The following ACSS3 variants were observed in gnomAD, a reference collection of about 807,000 sequenced individuals.
The protein encoded by ACSS3 is acyl-CoA synthetase short chain family member 3.
In ACSS3, 64 loss-of-function variants were observed where a neutral mutation model predicts 84.2. That is an observed-to-expected ratio of 0.76 (90% CI 0.62 to 0.94). ACSS3 has a LOEUF of 0.94. Ranked by LOEUF, ACSS3 falls within the 40% of genes least tolerant of loss-of-function variation. The pLI is 0.00. For synonymous variants in ACSS3, 317 were observed against 310.1 expected (o/e 1.02, Z -0.23); for missense variants, 815 against 867.6 (o/e 0.94, Z 0.76).
At chr12:81,081,267 G>A (rs1424659289) in intron 1 of ACSS3, among the ~76,000 whole-genome samples, 1 of 152,180 alleles carries the variant, frequency 6.6e-6, no homozygotes, top group Non-Finnish European at 1.5e-5. Context: ...GGCGATATAT[G>A]GAAGGGAACT....
At chr12:81,175,308 G>A (rs960715770) in intron 8 of ACSS3, among the ~76,000 whole-genome samples, 2 of 151,930 alleles carry the variant, frequency 1.3e-5, no homozygotes, top group African/African-American at 4.8e-5. Flanking sequence ...TAAATGAAGG[G>A]GCAATATTTG....
At chr12:81,217,291 A>T (rs1418235290) in intron 10 of ACSS3, among the ~76,000 whole-genome samples, 1 of 152,160 alleles carries the variant, frequency 6.6e-6, no homozygotes, top group African/African-American at 2.4e-5. Context: ...AGTACTTTAT[A>T]TATGTCTTTT....
chr12:81,121,102 C>A (rs534338282), intron 2 of ACSS3, among the ~76,000 whole-genome samples: 47 of 152,260 alleles, frequency 3.1e-4, no homozygotes, highest in African/African-American at 1.1e-3. Context: ...TGTCTTTGTA[C>A]CATTCCTGGG....
intron 11 of ACSS3, among the ~76,000 whole-genome samples, chr12:81,224,574 ATGTGTGTGTG>A (rs72129467): frequency 2.8e-5 from 2 of 71,890 alleles, no homozygotes; most frequent in East Asian, 2.9e-4. Flanking sequence ...ACACACACAC[ATGTGTGTGTG>A]TGTGTGTGTG....
intron 11 of ACSS3, among the ~76,000 whole-genome samples, chr12:81,222,482 C>G (rs947608398): frequency 2.6e-5 from 4 of 152,078 alleles, no homozygotes; most frequent in African/African-American, 7.2e-5. Flanking sequence ...CCATTCCACT[C>G]TAACTTATCA....
At chr12:81,096,801 C>G (rs1377635736) in intron 1 of ACSS3, among the ~76,000 whole-genome samples, 5 of 152,142 alleles carry the variant, frequency 3.3e-5, no homozygotes, top group African/African-American at 4.8e-5. Flanking sequence ...GACATGAACT[C>G]ATCCTTTTTT....
At chr12:81,243,312 G>A (rs2033873282) in intron 13 of ACSS3, among the ~76,000 whole-genome samples, 2 of 152,134 alleles carry the variant, frequency 1.3e-5, no homozygotes, top group African/African-American at 2.4e-5. Context: ...CGGACGTGAA[G>A]GACCTCTTCA....
At chr12:81,212,738 T>C (rs892709201) in intron 9 of ACSS3, among the ~76,000 whole-genome samples, 1 of 152,180 alleles carries the variant, frequency 6.6e-6, no homozygotes, top group Non-Finnish European at 1.5e-5. Context: ...TACTTCAGAG[T>C]CAGAAATTTT....
rs1283247750 is a variant in ACSS3, at chr12:81,111,560, C to A, written c.456+1856C>A. ...TTAACCTAAAGCAAAGGGCCTCGAT[C>A]CCAGACGGGATAGGGCTGACATACT... is the stretch of plus-strand genomic sequence containing the variant. On this transcript the variant is annotated intron_variant, in intron 2 of 15. Coordinates refer to ENST00000548058, the MANE Select transcript of ACSS3 (RefSeq NM_024560.4). Among the ~76,000 whole-genome samples the A allele has an allele frequency of 2.0e-5, 3 of 152,308 alleles. No individual in the cohort carries two copies. In the East Asian group the frequency reaches 5.8e-4, roughly 29 times the overall value.
At chr12:81,195,958 G>A (rs752269410) in intron 8 of ACSS3, among the ~76,000 whole-genome samples, 2 of 152,096 alleles carry the variant, frequency 1.3e-5, no homozygotes, top group Non-Finnish European at 2.9e-5. Context: ...GTACCATTAT[G>A]TGAAGTCCTA....
chr12:81,149,926 T>C (rs1480231853), intron 5 of ACSS3, among the ~76,000 whole-genome samples: 1 of 152,230 alleles, frequency 6.6e-6, no homozygotes, highest in African/African-American at 2.4e-5. Context: ...TTTTTAAGTC[T>C]CTTTTTTTTG....
At chr12:81,209,774 T>C (rs2032512420) in intron 9 of ACSS3, among the ~76,000 whole-genome samples, 1 of 152,180 alleles carries the variant, frequency 6.6e-6, no homozygotes, top group Non-Finnish European at 1.5e-5. Context: ...GGATGTTTTA[T>C]GAGTTTTCCA....
chr12:81,094,226 T>G (rs1468028659), intron 1 of ACSS3: 1 of 151,216 alleles, frequency 6.6e-6, no homozygotes, highest in Admixed American at 6.6e-5. Context: ...CTTTCCTTCC[T>G]TCTGGTAAAT....
chr12:81,204,168 A>T (rs2032236106), intron 9 of ACSS3, among the ~76,000 whole-genome samples: 1 of 151,790 alleles, frequency 6.6e-6, no homozygotes, highest in Non-Finnish European at 1.5e-5. Flanking sequence ...ACTGTAAAGG[A>T]ATTATTGTTT....
chr12:81,242,759 A>G (rs1047578531), intron 13 of ACSS3, among the ~76,000 whole-genome samples: 4 of 143,636 alleles, frequency 2.8e-5, no homozygotes, highest in Non-Finnish European at 6.2e-5. Flanking sequence ...GACAAAAACC[A>G]CATGATTATC....
intron 13 of ACSS3, among the ~76,000 whole-genome samples, chr12:81,247,574 A>C (rs2136006727): frequency 6.6e-6 from 1 of 152,238 alleles, no homozygotes; most frequent in African/African-American, 2.4e-5. Context: ...TAAATCTTTA[A>C]GTTAACTTCT....
intron 1 of ACSS3, among the ~76,000 whole-genome samples, chr12:81,103,930 A>G (rs2121452151): frequency 6.6e-6 from 1 of 152,284 alleles, no homozygotes; most frequent in South Asian, 2.1e-4. Flanking sequence ...TAATAATAAT[A>G]CCTGCTTCAT....
chr12:81,098,654 T>C (rs2121397703), intron 1 of ACSS3, among the ~76,000 whole-genome samples: 1 of 152,342 alleles, frequency 6.6e-6, no homozygotes, highest in East Asian at 1.9e-4. Flanking sequence ...CCCTAAGGTT[T>C]ATAGATGAAA....
intron 11 of ACSS3, among the ~76,000 whole-genome samples, chr12:81,229,669 AAC>A (rs2033389637): frequency 6.6e-6 from 1 of 151,950 alleles, no homozygotes; most frequent in South Asian, 2.1e-4. Flanking sequence ...CAACAGCAAA[AAC>A]ACAACAGCAT....
Sources: allele counts gnomAD v4.1 joint callset (sites outside exome capture counted in the v4.1 genomes callset), GRCh38; gene constraint gnomAD v4.1.1; transcripts MANE v1.5; gene names NCBI Gene and HGNC (gene_info 2026-07-23, HGNC 2026-07-21).